Variants in NUP93 observed in about 807,000 individuals in gnomAD.
The protein encoded by NUP93 is nuclear pore complex protein Nup93.
In NUP93, 55 loss-of-function variants were observed where a neutral mutation model predicts 107.8. That is an observed-to-expected ratio of 0.51 (90% CI 0.41 to 0.64). NUP93 has a LOEUF of 0.64. NUP93 is among the 30% of genes least tolerant of loss of function. NUP93 has a pLI of 0.00. For synonymous variants in NUP93, 390 were observed against 397.5 expected (o/e 0.98, Z 0.22); for missense variants, 937 against 1,044.7 (o/e 0.90, Z 1.42).
intron 3 of NUP93, among the ~76,000 whole-genome samples, chr16:56,789,649 A>C (rs1471876706): frequency 6.6e-6 from 1 of 152,272 alleles, no homozygotes; most frequent in African/African-American, 2.4e-5. Context: ...CTTTTGCATA[A>C]ATGCACAGCA....
chr16:56,790,129 A>AAACAAAACAC (rs2144537680), intron 3 of NUP93, among the ~76,000 whole-genome samples: 1 of 152,002 alleles, frequency 6.6e-6, no homozygotes, highest in South Asian at 2.1e-4. Context: ...AAACAAAACA[A>AAACAAAACAC]AAAAACAAGC....
intron 5 of NUP93, among the ~76,000 whole-genome samples, chr16:56,811,609 T>A (rs1963317238): frequency 6.6e-6 from 1 of 152,126 alleles, no homozygotes; most frequent in African/African-American, 2.4e-5. Flanking sequence ...TAGCTGGGAT[T>A]ACAGGCATGT....
intron 8 of NUP93, 137 bp downstream of exon 8, chr16:56,823,983 A>G: frequency 8.7e-7 from 1 of 1,145,702 alleles, no homozygotes; most frequent in Non-Finnish European, 1.2e-6. Context: ...AACAAGGTTC[A>G]GAGTTGTAAT....
chr16:56,782,178 C>T (rs1962528767), intron 3 of NUP93: 6 of 985,204 alleles, frequency 6.1e-6, no homozygotes, highest in Admixed American at 6.2e-5. Context: ...TCGACAGCAT[C>T]GACCGTTCTG....
chr16:56,822,134 T>TTGGTGGG (rs1376369947), intron 7 of NUP93, among the ~76,000 whole-genome samples: 2 of 150,044 alleles, frequency 1.3e-5, no homozygotes, highest in African/African-American at 4.9e-5. Flanking sequence ...GGATGACTAC[T>TTGGTGGG]TGGTGGGTGG....
intron 2 of NUP93, among the ~76,000 whole-genome samples, chr16:56,754,147 C>T (rs374132206): frequency 1.3e-5 from 2 of 152,044 alleles, no homozygotes; most frequent in East Asian, 1.9e-4. Context: ...GGAAGTGCTA[C>T]GTACTCTTAA....
Position 56,798,548 on chromosome 16 carries a change from T to C in NUP93, c.360+10T>C, listed in dbSNP as rs759672645. On this transcript the variant is annotated intron_variant, in intron 4 of 21. Transcript: ENST00000308159. The stretch of plus-strand genomic sequence containing the variant: ...AGAGTCCCGGAAGAGGGTAAGAAAA[T>C]TAACCAAAATGTAGATGTATACAGA... 3 of 1,611,722 alleles carry C rather than the reference T, an allele frequency of 1.9e-6. No homozygotes were observed. Among genetic ancestry groups the C allele is most frequent in the Non-Finnish European group, 2.5e-6 (3 of 1,177,942 alleles).
intron 3 of NUP93, among the ~76,000 whole-genome samples, chr16:56,789,578 G>A (rs1962707530): frequency 6.6e-6 from 1 of 152,224 alleles, no homozygotes; most frequent in Non-Finnish European, 1.5e-5. Flanking sequence ...CTGGCAAATG[G>A]TGGAACTCCA....
chr16:56,824,436 G>A (rs548601158), intron 8 of NUP93, among the ~76,000 whole-genome samples: 1 of 152,266 alleles, frequency 6.6e-6, no homozygotes, highest in East Asian at 1.9e-4. Context: ...CCCTTCGTTA[G>A]TAGGACCCAT....
At chr16:56,800,060 A>G (rs1962987145) in intron 4 of NUP93, among the ~76,000 whole-genome samples, 2 of 152,120 alleles carry the variant, frequency 1.3e-5, no homozygotes, top group South Asian at 2.1e-4. Context: ...GCGCACACCT[A>G]TAGTCCCAGC....
intron 6 of NUP93, among the ~76,000 whole-genome samples, chr16:56,819,998 T>C (rs1255883612): frequency 6.6e-6 from 1 of 152,224 alleles, no homozygotes; most frequent in African/African-American, 2.4e-5. Flanking sequence ...CCTGTGCATC[T>C]GTATTCTTTA....
intron 5 of NUP93, among the ~76,000 whole-genome samples, chr16:56,818,241 A>G (rs1963473331): frequency 1.3e-5 from 2 of 152,358 alleles, no homozygotes; most frequent in South Asian, 4.1e-4. Context: ...TTGACTCTAT[A>G]AACTGCTTTC....
chr16:56,842,497 A>G (rs1414690275), intron 21 of NUP93: 15 of 416,066 alleles, frequency 3.6e-5, no homozygotes, highest in African/African-American at 8.5e-5. Context: ...ACAAAAAAAA[A>G]GAGCAAAGGT....
Position 56,844,577 on chromosome 16 carries a change from A to T in NUP93, c.2428A>T (p.Arg810Trp), listed in dbSNP as rs769339712. 20 of 1,591,842 alleles carry T rather than the reference A, an allele frequency of 1.3e-5. No homozygotes were observed. The highest frequency in any genetic ancestry group is 1.7e-5 in the Non-Finnish European group (20 of 1,169,446). Residue 810 changes from arginine (R) to tryptophan (W), a missense_variant, in exon 22 of 22, where the codon AGG becomes TGG. By Grantham distance (101) the Arg-to-Trp change is moderately radical. Coordinates refer to ENST00000308159, the MANE Select transcript of NUP93 (RefSeq NM_014669.5). ...CCGAACGTCTGGGGACACCAATGCG[A>T]GGCTGGTGCAGATGGAGGTCCTCAT... is the stretch of plus-strand genomic sequence containing the variant. ...PYRTSGDTNA[R>W]LVQMEVLMN is the part of the protein sequence containing the mutation.
At chr16:56,811,416 G>A (rs1963313037) in intron 5 of NUP93, among the ~76,000 whole-genome samples, 1 of 152,034 alleles carries the variant, frequency 6.6e-6, no homozygotes, top group Admixed American at 6.6e-5. Flanking sequence ...CTCTTTATAG[G>A]AGACTACACA....
intron 5 of NUP93, among the ~76,000 whole-genome samples, chr16:56,806,122 A>G (rs1444740641): frequency 6.7e-6 from 1 of 150,192 alleles, no homozygotes; most frequent in African/African-American, 2.5e-5. Context: ...GAATTGAGTC[A>G]TGATAGCAAC....
intron 1 of NUP93, among the ~76,000 whole-genome samples, chr16:56,739,699 G>A (rs1417004224): frequency 1.2e-4 from 16 of 130,992 alleles, no homozygotes; most frequent in East Asian, 5.3e-4. Flanking sequence ...CCTCCCGGAC[G>A]GGGCGGCTGG....
intron 5 of NUP93, among the ~76,000 whole-genome samples, chr16:56,818,446 T>C (rs1963477848): frequency 6.6e-6 from 1 of 152,226 alleles, no homozygotes. Context: ...CACTCTTTTT[T>C]AGTTAATCCA....
At chr16:56,763,684 C>T (rs1962169084) in intron 3 of NUP93, among the ~76,000 whole-genome samples, 1 of 152,164 alleles carries the variant, frequency 6.6e-6, no homozygotes, top group South Asian at 2.1e-4. Flanking sequence ...TCTTAATAGA[C>T]CTGTTTTCCC....
Sources: gnomAD v4.1 joint callset for allele counts (sites outside exome capture counted in the v4.1 genomes callset) on GRCh38, gnomAD v4.1.1 for gene constraint, MANE v1.5 for transcripts, NCBI Gene and HGNC (gene_info 2026-07-23, HGNC 2026-07-21) for gene names.